SEC23IP: variants seen among roughly 807,000 people sequenced by gnomAD.
The protein encoded by SEC23IP is SEC23-interacting protein.
Under a neutral mutation model 113.4 loss-of-function variants are expected in SEC23IP, and 70 were observed. The ratio of observed to expected loss-of-function variants is 0.62; its 90% CI spans 0.51 to 0.75. The LOEUF is 0.75. SEC23IP is among the 30% of genes least tolerant of loss of function. SEC23IP has a pLI of 0.00. For missense variants in SEC23IP, 1,160 were observed against 1,204.9 expected (o/e 0.96, Z 0.55); for synonymous variants, 398 against 421.0 (o/e 0.95, Z 0.67).
chr10:119,937,511 A>G (rs1248099202), intron 18 of SEC23IP, among the ~76,000 whole-genome samples: 1 of 151,930 alleles, frequency 6.6e-6, no homozygotes, highest in East Asian at 2.0e-4. Context: ...CTATAATCCC[A>G]GCTACTTGGG....
chr10:119,919,486 C>CTTG lies in SEC23IP; in HGVS notation c.1922_1924dup (p.Val641dup), dbSNP rs375854605. The CTTG allele has an allele frequency of 6.2e-7, 1 of 1,612,740 alleles. No homozygotes were observed. The highest frequency in any genetic ancestry group is 1.7e-5 in the Admixed American group (1 of 59,794). ...GCTGACTTTGGATGAGTCGTATGAC[C>CTTG]TTGTTGTTGAAAATAAAGAAGTCCT... On this transcript the variant is annotated inframe_insertion, in exon 11 of 19. Transcript: ENST00000369075.
chr10:119,894,988 A>G (rs2134445270), intron 1 of SEC23IP, among the ~76,000 whole-genome samples: 1 of 152,218 alleles, frequency 6.6e-6, no homozygotes, highest in East Asian at 1.9e-4. Flanking sequence ...TCAGAAACCC[A>G]TTCAGAGAAT....
At chr10:119,898,027 A>T (rs1001340155) in intron 1 of SEC23IP, among the ~76,000 whole-genome samples, 2 of 149,798 alleles carry the variant, frequency 1.3e-5, no homozygotes, top group East Asian at 1.9e-4. Context: ...AAAAAAAAAA[A>T]TAAATAAAAA....
chr10:119,903,895 A>G (rs967678040), intron 3 of SEC23IP, among the ~76,000 whole-genome samples, 189 bp from the exon 4 acceptor site: 1 of 152,108 alleles, frequency 6.6e-6, no homozygotes, highest in Non-Finnish European at 1.5e-5. Context: ...TAATTGTTGT[A>G]TTTTTAGTAG....
chr10:119,919,699 C>A, intron 11 of SEC23IP, 103 bp downstream of exon 11: 1 of 869,594 alleles, frequency 1.1e-6, no homozygotes, highest in South Asian at 2.9e-5. Flanking sequence ...CCAGAGTAGA[C>A]AAAGACTGAA....
At chr10:119,934,377 G>A (rs1855708090) in intron 18 of SEC23IP, among the ~76,000 whole-genome samples, 1 of 152,204 alleles carries the variant, frequency 6.6e-6, no homozygotes, top group Non-Finnish European at 1.5e-5. Context: ...TGTGTCTAAT[G>A]TCCAATATCT....
chr10:119,898,019 A>T (rs1051565566), intron 1 of SEC23IP, among the ~76,000 whole-genome samples: 8 of 151,546 alleles, frequency 5.3e-5, no homozygotes, highest in African/African-American at 1.9e-4. Context: ...AAAAATAAAA[A>T]AAAAAAAATA....
chr10:119,896,581 G>A (rs77518590), intron 1 of SEC23IP, among the ~76,000 whole-genome samples: 2 of 152,202 alleles, frequency 1.3e-5, no homozygotes, highest in African/African-American at 2.4e-5. Flanking sequence ...GGAGTTGGGA[G>A]TGTCACAAAT....
chr10:119,911,965 A>G (rs1481172754), intron 5 of SEC23IP, 79 bp from the exon 6 acceptor site: 1 of 1,530,256 alleles, frequency 6.5e-7, no homozygotes, highest in Non-Finnish European at 9.0e-7. Context: ...GGTATAGCTT[A>G]TTATGTGTTA....
chr10:119,916,612 T>C (rs985239615), intron 8 of SEC23IP, among the ~76,000 whole-genome samples: 5 of 152,208 alleles, frequency 3.3e-5, no homozygotes, highest in African/African-American at 1.2e-4. Flanking sequence ...TAAACTTCAT[T>C]TTGGTCATTC....
rs1159608311 is a variant in SEC23IP at position 119,912,114 on chromosome 10, C to CCAGGGTTG, written c.1263_1270dup (p.Val424AlafsTer4). 1.9e-6 allele frequency: 3 copies of CCAGGGTTG among 1,613,914 alleles called. No individual in the cohort carries two copies. The highest frequency in any genetic ancestry group is 2.5e-6 in the Non-Finnish European group (3 of 1,179,986). On this transcript the variant is annotated frameshift_variant, in exon 6 of 19. Transcript: ENST00000369075. LOFTEE classifies it high-confidence loss of function. ...ACCACGCAAGATGGACAGACAAGGC[C>CCAGGGTTG]CAGGGTTGTAAAGCGTGGAATTGAT... is the stretch of plus-strand genomic sequence containing the variant.
chr10:119,940,555 A>G (rs1027149538), intron 18 of SEC23IP, 31 bp from the exon 19 acceptor site: 9 of 149,492 alleles, frequency 6.0e-5, no homozygotes, highest in African/African-American at 2.2e-4. Flanking sequence ...TGTAAAGTTC[A>G]CTGAGGTTTT....
chr10:119,915,676 G>A, intron 7 of SEC23IP, 72 bp from the exon 8 acceptor site: 1 of 1,055,328 alleles, frequency 9.5e-7, no homozygotes, highest in African/African-American at 1.6e-5. Flanking sequence ...TGGCATATTT[G>A]AGGTAACTGC....
At position 119,944,085 on chromosome 10, in the gene SEC23IP, C is replaced by G. The variant is rs887249197; in HGVS notation, c.*3520C>G. 3 of 152,174 alleles carry G rather than the reference C, an allele frequency of 2.0e-5. No individual in the cohort carries two copies. 9.4% of individuals were successfully genotyped at this position (152,174 alleles called of 1,614,324 possible). On this transcript the variant is annotated 3_prime_UTR_variant, in exon 19 of 19. Transcript: ENST00000369075. ...CAGTGATAATGATTTGGCTCTGTGT[C>G]CCCACCCAAATCTCATCTTGAATTG... is the stretch of plus-strand genomic sequence containing the variant.
Position 119,932,242 on chromosome 10 carries a change from T to C in SEC23IP, c.2682T>C (p.Ser894=). ...ATGAGTTTGCCCGTGCTCATACGTC[T>C]TCAACCCAGTTGCAAGAAGAATTGG... ...TLNEFARAHT[S]STQLQEELEK... is the part of the protein sequence containing the mutation. The change falls in exon 16 of 19, where the codon TCT becomes TCC. Residue 894 remains serine (S), a synonymous_variant. Coordinates refer to ENST00000369075, the MANE Select transcript of SEC23IP (RefSeq NM_007190.4). 18 of 1,614,054 alleles carry C rather than the reference T, an allele frequency of 1.1e-5. No individual in the cohort carries two copies. The highest frequency in any genetic ancestry group is 1.5e-5 in the Non-Finnish European group (18 of 1,179,926).
intron 1 of SEC23IP, 195 bp from the exon 2 acceptor site, chr10:119,898,232 C>A (rs1323568035): frequency 3.0e-6 from 3 of 997,138 alleles, no homozygotes; most frequent in East Asian, 3.1e-5. Context: ...TTTTCTTATT[C>A]ATGTTTTCTA....
chr10:119,932,769 T>C (rs1223820311), intron 16 of SEC23IP, among the ~76,000 whole-genome samples: 1 of 152,236 alleles, frequency 6.6e-6, no homozygotes, highest in African/African-American at 2.4e-5. Flanking sequence ...CTTTCTACAA[T>C]GCTTTCTCAC....
At chr10:119,909,952 A>G (rs994856879) in intron 5 of SEC23IP, among the ~76,000 whole-genome samples, 2 of 152,234 alleles carry the variant, frequency 1.3e-5, no homozygotes, top group Non-Finnish European at 2.9e-5. Flanking sequence ...ACTGGAGTTT[A>G]GTATGCAATG....
At chr10:119,910,307 T>C (rs1451073084) in intron 5 of SEC23IP, among the ~76,000 whole-genome samples, 1 of 152,184 alleles carries the variant, frequency 6.6e-6, no homozygotes, top group Non-Finnish European at 1.5e-5. Flanking sequence ...TAAAAAAATA[T>C]TGATTGCTGG....
Sources: allele counts gnomAD v4.1 joint callset (sites outside exome capture counted in the v4.1 genomes callset), GRCh38; gene constraint gnomAD v4.1.1; transcripts MANE v1.5; gene names NCBI Gene and HGNC (gene_info 2026-07-23, HGNC 2026-07-21).